The following FSTL1 variants were observed in gnomAD, a reference collection of about 807,000 sequenced individuals.
FSTL1 encodes the protein follistatin like 1, also known as follistatin-related protein 1.
Under a neutral mutation model 45.9 loss-of-function variants are expected in FSTL1, and 24 were observed. That is an observed-to-expected ratio of 0.52 (90% CI 0.38 to 0.74). The LOEUF is 0.74. Among genes scored for constraint, FSTL1 ranks in the 30% least tolerant of loss-of-function variants. The pLI is 0.00. For missense variants in FSTL1, 340 were observed against 381.8 expected, an observed-to-expected ratio of 0.89 and a Z score of 0.91; for synonymous variants, 120 against 137.6, an observed-to-expected ratio of 0.87 and a Z score of 0.89.
chr3:120,412,842 A>ACC (rs1937098603), intron 3 of FSTL1, among the ~76,000 whole-genome samples: 1 of 126,470 alleles, frequency 7.9e-6, no homozygotes, highest in Non-Finnish European at 1.7e-5. Flanking sequence ...GCGCGCGCAC[A>ACC]CACACACACA....
At chr3:120,450,574 C>T (rs1576232001) in intron 2 of FSTL1, 110 bp downstream of exon 2, 2 of 653,354 alleles carry the variant, frequency 3.1e-6, no homozygotes, top group African/African-American at 1.9e-5. Context: ...AGGACCGAAA[C>T]TCCCAGCGCC....
At chr3:120,412,230 A>G (rs932915400) in intron 3 of FSTL1, among the ~76,000 whole-genome samples, 10 of 152,220 alleles carry the variant, frequency 6.6e-5, no homozygotes, top group Non-Finnish European at 1.5e-4. Context: ...CAGTGAAGAA[A>G]GAGACACCCT....
In FSTL1 at chr3:120,404,840, C is replaced by G; in HGVS notation, c.581+13G>C. 1 of 1,247,388 alleles carries G rather than the reference C, an allele frequency of 8.0e-7. No individual in the cohort carries two copies. The highest frequency in any genetic ancestry group is 1.2e-6 in the Non-Finnish European group (1 of 844,550). The allele number at this position is 1,247,388 out of a possible 1,614,324, so 77.3% of individuals were successfully genotyped here. A position where few individuals can be genotyped will look rare whatever the true frequency, so the allele number is the denominator to read the frequency against. On this transcript the variant is annotated intron_variant, in intron 7 of 10. Coordinates refer to ENST00000295633, the MANE Select transcript of FSTL1 (RefSeq NM_007085.5). ...CCTTGTGGATCATTCTCTGACCTCT[C>G]GGTTCCTCTCACCTAAGCAACTTGT...
intron 2 of FSTL1, among the ~76,000 whole-genome samples, chr3:120,430,865 G>A (rs946875362): frequency 6.6e-6 from 1 of 152,218 alleles, no homozygotes; most frequent in Admixed American, 6.5e-5. Context: ...AATCTAATAA[G>A]AGATAACTCA....
chr3:120,423,151 A>G (rs1254687385), intron 2 of FSTL1: 1 of 152,056 alleles, frequency 6.6e-6, no homozygotes, highest in Non-Finnish European at 1.5e-5. Context: ...GTTTACCTCC[A>G]CCATTTTCTT....
At chr3:120,411,145 C>A in intron 4 of FSTL1, 161 bp from the exon 5 acceptor site, 2 of 571,800 alleles carry the variant, frequency 3.5e-6, no homozygotes, top group Non-Finnish European at 6.4e-6. Flanking sequence ...TTCTAGGGCC[C>A]AGGTATGAGG....
chr3:120,400,776 G>C (rs922611697), intron 9 of FSTL1, among the ~76,000 whole-genome samples: 3 of 152,134 alleles, frequency 2.0e-5, no homozygotes, highest in African/African-American at 7.2e-5. Flanking sequence ...GTATTAACCT[G>C]AAAATGCCCC....
rs1317517666 is a variant in FSTL1, at chr3:120,394,885, G to A, written c.*2067C>T. ...AATGTTGCAGGGTAGAGTAGTCTTG[G>A]ATGATAACCATGTTCTAAATGACTA... On this transcript the variant is annotated 3_prime_UTR_variant, in exon 11 of 11. Transcript: ENST00000295633. 3.3e-5 allele frequency: 5 copies of A among 152,226 alleles called. No homozygotes were observed. The highest frequency in any genetic ancestry group is 9.7e-5 in the African/African-American group (4 of 41,440). 9.4% of individuals were successfully genotyped at this position (152,226 alleles called of 1,614,324 possible).
At chr3:120,415,430 G>A (rs1410108738) in intron 3 of FSTL1, among the ~76,000 whole-genome samples, 10 of 152,144 alleles carry the variant, frequency 6.6e-5, no homozygotes, top group Non-Finnish European at 1.3e-4. Context: ...GGTTGTCCCT[G>A]ATAAATTAAT....
intron 9 of FSTL1, among the ~76,000 whole-genome samples, chr3:120,402,504 A>G (rs1003766886): frequency 1.3e-5 from 2 of 152,034 alleles, no homozygotes; most frequent in African/African-American, 4.8e-5. Flanking sequence ...TTCCATTATT[A>G]CTACTTTCAC....
At chr3:120,431,722 C>T (rs1242392447) in intron 2 of FSTL1, among the ~76,000 whole-genome samples, 1 of 152,066 alleles carries the variant, frequency 6.6e-6, no homozygotes, top group Non-Finnish European at 1.5e-5. Context: ...CTCACTGCAT[C>T]GGAGGAGGAG....
chr3:120,409,981 A>G (rs1937020564), intron 5 of FSTL1: 1 of 194,722 alleles, frequency 5.1e-6, no homozygotes, highest in Non-Finnish European at 1.0e-5. Flanking sequence ...GAAAAAATCA[A>G]TAAAGCAGCT....
intron 2 of FSTL1, among the ~76,000 whole-genome samples, chr3:120,436,600 G>A (rs1049024212): frequency 6.6e-6 from 1 of 152,216 alleles, no homozygotes; most frequent in African/African-American, 2.4e-5. Flanking sequence ...ATCTCTGCAT[G>A]TGGCTGTCAG....
intron 2 of FSTL1, among the ~76,000 whole-genome samples, chr3:120,446,782 C>T (rs1275060885): frequency 6.6e-6 from 1 of 152,246 alleles, no homozygotes; most frequent in South Asian, 2.1e-4. Context: ...GGTTAAGAAA[C>T]GTGGCCTCAG....
chr3:120,441,730 AGAT>A (rs1937630407), intron 2 of FSTL1, among the ~76,000 whole-genome samples: 1 of 152,248 alleles, frequency 6.6e-6, no homozygotes, highest in Non-Finnish European at 1.5e-5. Flanking sequence ...GATGCCCTGA[AGAT>A]GATAATACCA....
intron 4 of FSTL1, 39 bp from the exon 5 acceptor site, chr3:120,411,023 AG>A (rs1937040752): frequency 2.0e-6 from 3 of 1,533,722 alleles, no homozygotes; most frequent in Non-Finnish European, 2.7e-6. Flanking sequence ...TGCGAAGTGA[AG>A]GAAAAAAGAA....
chr3:120,446,492 TCTGCACAGCCC>T (rs1311812264), intron 2 of FSTL1, among the ~76,000 whole-genome samples: 1 of 152,238 alleles, frequency 6.6e-6, no homozygotes, highest in Non-Finnish European at 1.5e-5. Context: ...TTCTGGCTAG[TCTGCACAGCCC>T]CTGCTATGTT....
At chr3:120,433,425 T>G (rs1247664125) in intron 2 of FSTL1, among the ~76,000 whole-genome samples, 1 of 152,214 alleles carries the variant, frequency 6.6e-6, no homozygotes, top group African/African-American at 2.4e-5. Context: ...ATACAAAGAT[T>G]GTAGGCACCT....
chr3:120,411,953 C>T lies in FSTL1; in HGVS notation c.199G>A (p.Gly67Ser). ...TTGAGGTAGGTCTTGCCATTACTGC[C>T]ACACACAGGCCTCTTGTGAGGTTTG... ...QCKPHKRPVC[G>S]SNGKTYLNHC... is the part of the protein sequence containing the mutation. Residue 67 changes from glycine to serine, a missense_variant, in exon 4 of 11, where the codon GGC becomes AGC. By Grantham distance (56) the Gly-to-Ser change is moderately conservative (BLOSUM62 0). Transcript: ENST00000295633. The T allele has an allele frequency of 6.2e-7, 1 of 1,612,774 alleles. No individual in the cohort carries two copies. Among genetic ancestry groups the T allele is most frequent in the Non-Finnish European group, 8.5e-7 (1 of 1,178,970 alleles).
Sources: gnomAD v4.1 joint callset for allele counts (sites outside exome capture counted in the v4.1 genomes callset) on GRCh38, gnomAD v4.1.1 for gene constraint, MANE v1.5 for transcripts, NCBI Gene and HGNC (gene_info 2026-07-23, HGNC 2026-07-21) for gene names.